Variants in NEBL observed in about 807,000 individuals in gnomAD.
NEBL encodes LIM and SH3 protein 2.
In NEBL, 122 loss-of-function variants were observed where a neutral mutation model predicts 140.2. The ratio of observed to expected loss-of-function variants is 0.87; its 90% CI spans 0.75 to 1.01. NEBL has a LOEUF of 1.01. NEBL is among the 50% of genes least tolerant of loss of function. The pLI is 0.00. For missense variants in NEBL, 1,365 were observed against 1,231.3 expected, an observed-to-expected ratio of 1.11 and a Z score of -1.62; for synonymous variants, 436 against 398.9, an observed-to-expected ratio of 1.09 and a Z score of -1.11.
intron 26 of NEBL, among the ~76,000 whole-genome samples, 177 bp from the exon 27 acceptor site, chr10:20,787,485 T>C (rs1320871333): frequency 6.6e-6 from 1 of 152,200 alleles, no homozygotes; most frequent in Admixed American, 6.5e-5. Flanking sequence ...GTAGAAATCT[T>C]AGTAATTAGG....
intron 4 of NEBL, among the ~76,000 whole-genome samples, chr10:20,921,438 G>A (rs1833571848): frequency 6.6e-6 from 1 of 152,138 alleles, no homozygotes; most frequent in Non-Finnish European, 1.5e-5. Context: ...CAGATGACAG[G>A]ATAAGAGGGA....
At chr10:21,281,351 G>A in intron 1 of NEBL, among the ~76,000 whole-genome samples, 1 of 151,436 alleles carries the variant, frequency 6.6e-6, no homozygotes, top group Admixed American at 6.6e-5. Context: ...TTAGAGAGAA[G>A]GGATCTTGCT....
At chr10:20,862,675 A>C (rs1345227389) in intron 7 of NEBL, among the ~76,000 whole-genome samples, 1 of 152,180 alleles carries the variant, frequency 6.6e-6, no homozygotes, top group African/African-American at 2.4e-5. Context: ...ACAAGGCATA[A>C]CCCTTTCAGT....
At chr10:20,791,735 G>C (rs148358227) in intron 26 of NEBL, among the ~76,000 whole-genome samples, 21 of 152,222 alleles carry the variant, frequency 1.4e-4, no homozygotes, top group African/African-American at 4.8e-4. Context: ...AACTGGAAAA[G>C]AGGAAATATA....
At chr10:20,941,326 A>T (rs1039174571) in intron 4 of NEBL, among the ~76,000 whole-genome samples, 2 of 152,236 alleles carry the variant, frequency 1.3e-5, no homozygotes, top group Non-Finnish European at 2.9e-5. Flanking sequence ...AGAACCAAAG[A>T]CAAAAACCAC....
chr10:21,116,974 A>T (rs1426248741), intron 2 of NEBL, among the ~76,000 whole-genome samples: 1 of 152,032 alleles, frequency 6.6e-6, no homozygotes, highest in East Asian at 1.9e-4. Flanking sequence ...ACCCAACCTG[A>T]ATGACCGGTA....
intron 5 of NEBL, among the ~76,000 whole-genome samples, chr10:20,876,125 T>G (rs554771628): frequency 5.3e-5 from 8 of 152,342 alleles, no homozygotes; most frequent in African/African-American, 1.7e-4. Context: ...TAAGAGAATA[T>G]AAGCCTTTTA....
At chr10:20,872,034 A>T (rs756514014) in intron 5 of NEBL, among the ~76,000 whole-genome samples, 6 of 152,188 alleles carry the variant, frequency 3.9e-5, no homozygotes, top group Non-Finnish European at 8.8e-5. Flanking sequence ...GCAGGGGGGA[A>T]ATGTCTTTTT....
In NEBL at chr10:20,823,168, A is replaced by G. The variant is rs764700228; in HGVS notation, c.1962+40T>C. The stretch of plus-strand genomic sequence containing the variant: ...TTATGCTGTCATTACGTGTTGATAT[A>G]CAATAAAATTTTTAAAAAATACTTA... On this transcript the variant is annotated intron_variant, in intron 19 of 27. Transcript: ENST00000377122. 2.8e-6 allele frequency: 4 copies of G among 1,432,320 alleles called. No individual in the cohort carries two copies. In the Admixed American group the frequency reaches 5.1e-5, roughly 18 times the overall value. The allele number at this position is 1,432,320 out of a possible 1,614,324, so 88.7% of individuals were successfully genotyped here. A position where few individuals can be genotyped will look rare whatever the true frequency, so the allele number is the denominator to read the frequency against.
intron 2 of NEBL, among the ~76,000 whole-genome samples, chr10:21,064,059 G>A (rs1262803757): frequency 2.6e-5 from 4 of 152,046 alleles, no homozygotes; most frequent in Non-Finnish European, 4.4e-5. Flanking sequence ...GCAACAGAGG[G>A]AGACCCTGTC....
intron 4 of NEBL, among the ~76,000 whole-genome samples, chr10:20,930,010 T>C (rs1834107010): frequency 6.6e-6 from 1 of 152,228 alleles, no homozygotes; most frequent in South Asian, 2.1e-4. Flanking sequence ...CTGGGTGATC[T>C]CGCCTCATTC....
intron 3 of NEBL, among the ~76,000 whole-genome samples, chr10:20,963,390 C>T (rs765812882): frequency 4.1e-4 from 63 of 152,142 alleles, no homozygotes; most frequent in Non-Finnish European, 5.3e-4. Flanking sequence ...GGCATGAAGA[C>T]ATAGGAAGAA....
chr10:21,234,353 G>A (rs531486289), intron 3 of NEBL, among the ~76,000 whole-genome samples: 6 of 152,018 alleles, frequency 3.9e-5, no homozygotes, highest in Non-Finnish European at 8.8e-5. Context: ...ACCAGAGAGC[G>A]GGTTGTTTAA....
chr10:21,239,946 G>A (rs978973069), intron 3 of NEBL, among the ~76,000 whole-genome samples: 4 of 151,784 alleles, frequency 2.6e-5, no homozygotes, highest in Non-Finnish European at 2.9e-5. Flanking sequence ...AACCCGGGAG[G>A]CAGAGCTTGC....
At chr10:21,121,533 G>A (rs913209424) in intron 2 of NEBL, among the ~76,000 whole-genome samples, 1 of 152,118 alleles carries the variant, frequency 6.6e-6, no homozygotes, top group African/African-American at 2.4e-5. Context: ...ATCAATGTAT[G>A]CCTATCACGT....
At chr10:21,035,209 G>T (rs751145129) in intron 2 of NEBL, among the ~76,000 whole-genome samples, 9 of 152,006 alleles carry the variant, frequency 5.9e-5, no homozygotes, top group Non-Finnish European at 1.0e-4. Context: ...TGTTGGCCAG[G>T]CTGTTTTCAA....
chr10:20,803,038 A>C (rs1166443596), intron 26 of NEBL, among the ~76,000 whole-genome samples: 2 of 152,160 alleles, frequency 1.3e-5, no homozygotes, highest in Non-Finnish European at 2.9e-5. Flanking sequence ...CTCGTCCTCC[A>C]GTTCAGGGTT....
chr10:21,019,043 GA>G (rs1838675571), intron 3 of NEBL, among the ~76,000 whole-genome samples: 1 of 151,882 alleles, frequency 6.6e-6, no homozygotes, highest in Admixed American at 6.6e-5. Flanking sequence ...CCTCCCCCCA[GA>G]AAAAGAGCTA....
intron 4 of NEBL, among the ~76,000 whole-genome samples, chr10:20,923,912 C>T (rs1833735432): frequency 1.3e-5 from 2 of 152,004 alleles, no homozygotes; most frequent in South Asian, 2.1e-4. Flanking sequence ...ACCCAGCCCA[C>T]ATTCCCAGCC....
Sources: allele counts gnomAD v4.1 joint callset (sites outside exome capture counted in the v4.1 genomes callset), GRCh38; gene constraint gnomAD v4.1.1; transcripts MANE v1.5; gene names NCBI Gene and HGNC (gene_info 2026-07-23, HGNC 2026-07-21).